The following PLD1 variants were observed in gnomAD, a reference collection of about 807,000 sequenced individuals.
PLD1 encodes the protein choline phosphatase 1.
A neutral mutation model predicts 137.1 loss-of-function variants in PLD1; 112 were observed. The observed-to-expected ratio is 0.82, with a 90% confidence interval of 0.70 to 0.96. PLD1 has a LOEUF of 0.96. Ranked by LOEUF, PLD1 falls within the 40% of genes least tolerant of loss-of-function variation. PLD1 has a pLI of 0.00. For missense variants in PLD1, 1,321 were observed against 1,342.0 expected (o/e 0.98, Z 0.24); for synonymous variants, 431 against 454.7 (o/e 0.95, Z 0.66).
intron 1 of PLD1, among the ~76,000 whole-genome samples, chr3:171,759,729 A>T (rs949718392): frequency 6.6e-6 from 1 of 152,256 alleles, no homozygotes; most frequent in African/African-American, 2.4e-5. Context: ...AGCATAATCA[A>T]ATCTATTGCT....
chr3:171,635,611 G>T (rs1011632703), intron 23 of PLD1, among the ~76,000 whole-genome samples: 4 of 151,732 alleles, frequency 2.6e-5, no homozygotes, highest in Admixed American at 6.6e-5. Flanking sequence ...TTTATTTTTT[G>T]AGTTATTTTT....
chr3:171,773,098 CTCTTA>C (rs1722451055), intron 1 of PLD1, among the ~76,000 whole-genome samples: 1 of 152,208 alleles, frequency 6.6e-6, no homozygotes, highest in African/African-American at 2.4e-5. Flanking sequence ...CCCAGAATTT[CTCTTA>C]TCTTTCAGCA....
At chr3:171,738,809 C>T (rs919750599) in intron 1 of PLD1, among the ~76,000 whole-genome samples, 2 of 152,172 alleles carry the variant, frequency 1.3e-5, no homozygotes, top group Non-Finnish European at 2.9e-5. Flanking sequence ...AGTCGTTGCA[C>T]ATCAGTACCC....
intron 23 of PLD1, among the ~76,000 whole-genome samples, chr3:171,633,473 C>G (rs149079005): frequency 6.6e-6 from 1 of 151,930 alleles, no homozygotes; most frequent in African/African-American, 2.4e-5. Context: ...CATCACACAC[C>G]GGGGCCTGTT....
intron 1 of PLD1, among the ~76,000 whole-genome samples, chr3:171,780,228 ATATAAGTCTGAGATT>A (rs1473666541): frequency 8.5e-4 from 129 of 151,770 alleles, no homozygotes; most frequent in African/African-American, 3.1e-3. Context: ...GGGTTTGGAT[ATATAAGTCTGAGATT>A]CAGGAATGGG....
At chr3:171,676,966 A>G in intron 17 of PLD1, 133 bp from the exon 18 acceptor site, 1 of 609,354 alleles carries the variant, frequency 1.6e-6, no homozygotes, top group Non-Finnish European at 2.9e-6. Flanking sequence ...GCTTGCATAG[A>G]ACAACATTTT....
intron 1 of PLD1, among the ~76,000 whole-genome samples, chr3:171,788,250 C>CTTTTTTT (rs58878929): frequency 7.2e-5 from 8 of 110,560 alleles, no homozygotes; most frequent in African/African-American, 2.4e-4. Context: ...ATCTGCACTT[C>CTTTTTTT]TTTTTTTTTT....
intron 24 of PLD1, among the ~76,000 whole-genome samples, chr3:171,614,282 A>G (rs190279267): frequency 1.2e-4 from 19 of 152,336 alleles, no homozygotes; most frequent in Admixed American, 3.9e-4. Context: ...GCACCAAATC[A>G]TCCTTTATAC....
intron 19 of PLD1, among the ~76,000 whole-genome samples, chr3:171,664,423 AT>A (rs1349412591): frequency 6.6e-6 from 1 of 152,006 alleles, no homozygotes; most frequent in African/African-American, 2.4e-5. Flanking sequence ...AACGTATACA[AT>A]TGCAGATTAC....
intron 23 of PLD1, among the ~76,000 whole-genome samples, chr3:171,642,309 T>C (rs1377768008): frequency 6.6e-6 from 1 of 151,130 alleles, no homozygotes; most frequent in Non-Finnish European, 1.5e-5. Context: ...ACAAAAAAAT[T>C]AGTTGGGCAT....
At chr3:171,731,534 C>T (rs1718947086) in intron 6 of PLD1, among the ~76,000 whole-genome samples, 1 of 152,156 alleles carries the variant, frequency 6.6e-6, no homozygotes, top group Admixed American at 6.5e-5. Flanking sequence ...GTAATCTCAG[C>T]ACTTTGGGAG....
chr3:171,673,915 A>G (rs1199088948), intron 19 of PLD1, among the ~76,000 whole-genome samples: 3 of 150,754 alleles, frequency 2.0e-5, no homozygotes, highest in African/African-American at 7.5e-5. Flanking sequence ...AGATTGGGTA[A>G]CACTGGACCA....
At chr3:171,702,981 C>T (rs537292369) in intron 11 of PLD1, among the ~76,000 whole-genome samples, 42 of 152,162 alleles carry the variant, frequency 2.8e-4, no homozygotes, top group African/African-American at 9.6e-4. Context: ...AAAAACACAG[C>T]AACTTAGAAA....
chr3:171,674,995 A>T (rs548853810), intron 18 of PLD1, among the ~76,000 whole-genome samples: 11 of 140,200 alleles, frequency 7.8e-5, no homozygotes, highest in African/African-American at 2.8e-4. Flanking sequence ...AAAAAAAAAA[A>T]AAAAGAAAAA....
intron 16 of PLD1, among the ~76,000 whole-genome samples, chr3:171,684,380 T>A (rs1714338068): frequency 6.6e-6 from 1 of 152,132 alleles, no homozygotes; most frequent in Non-Finnish European, 1.5e-5. Context: ...TTCCAACCCT[T>A]TACCTCTAAT....
chr3:171,611,141 G>A (rs549791684), intron 25 of PLD1, among the ~76,000 whole-genome samples: 119 of 152,258 alleles, frequency 7.8e-4, no homozygotes, highest in Non-Finnish European at 1.1e-3. Context: ...TAACTATATC[G>A]GGGCCACCTG....
chr3:171,805,304 A>G (rs1723801925), intron 1 of PLD1, among the ~76,000 whole-genome samples: 1 of 152,202 alleles, frequency 6.6e-6, no homozygotes, highest in Non-Finnish European at 1.5e-5. Context: ...GGGCATTAGG[A>G]GCAACGGGGG....
intron 1 of PLD1, among the ~76,000 whole-genome samples, chr3:171,782,799 G>A (rs1368634881): frequency 6.6e-6 from 1 of 152,144 alleles, no homozygotes; most frequent in African/African-American, 2.4e-5. Flanking sequence ...AGAATTAAGA[G>A]GAGGTATTTG....
chr3:171,667,836 C>T (rs2108453385), intron 19 of PLD1, among the ~76,000 whole-genome samples: 1 of 152,350 alleles, frequency 6.6e-6, no homozygotes, highest in South Asian at 2.1e-4. Flanking sequence ...ACTGTAACTT[C>T]TGCCTCCCGG....
Sources: allele counts gnomAD v4.1 joint callset (sites outside exome capture counted in the v4.1 genomes callset), GRCh38; gene constraint gnomAD v4.1.1; transcripts MANE v1.5; gene names NCBI Gene and HGNC (gene_info 2026-07-23, HGNC 2026-07-21).